Variants in CDC5L observed in about 807,000 individuals in gnomAD.
CDC5L encodes cell division cycle 5-like protein.
A neutral mutation model predicts 104.1 loss-of-function variants in CDC5L; 18 were observed. The ratio of observed to expected loss-of-function variants is 0.17; its 90% confidence interval spans 0.12 to 0.26. CDC5L has a LOEUF of 0.26. Ranked by LOEUF, CDC5L falls within the 10% of genes least tolerant of loss-of-function variation. CDC5L has a pLI of 1.00. For missense variants in CDC5L, 673 were observed against 956.9 expected, an observed-to-expected ratio of 0.70 and a Z score of 3.91; for synonymous variants, 331 against 322.7, an observed-to-expected ratio of 1.03 and a Z score of -0.28.
Position 44,422,630 on chromosome 6 carries a change from G to A in CDC5L, c.1242-17G>A, listed in dbSNP as rs1293832371. ...TGTAAGTGGCACTTCTGTTAATTGG[G>A]ATTCCTGTCTTTCTAGGACTCCTTC... On this transcript the variant is annotated splice_polypyrimidine_tract_variant and intron_variant, in intron 9 of 15. Transcript: ENST00000371477. 1.3e-6 allele frequency: 2 copies of A among 1,517,234 alleles called. No homozygotes were observed. The highest frequency in any genetic ancestry group is 2.8e-5 in the African/African-American group (2 of 70,548). The allele number at this position is 1,517,234 out of a possible 1,614,324, so 94.0% of individuals were successfully genotyped here. A position where few individuals can be genotyped will look rare whatever the true frequency, so the allele number is the denominator to read the frequency against.
intron 8 of CDC5L, among the ~76,000 whole-genome samples, chr6:44,415,724 A>C (rs1029800976): frequency 7.2e-5 from 11 of 152,330 alleles, no homozygotes; most frequent in African/African-American, 1.9e-4. Flanking sequence ...ACTTAGGCAC[A>C]CATGTCCTAG....
chr6:44,392,513 TG>T (rs755876260), intron 2 of CDC5L, among the ~76,000 whole-genome samples, 153 bp from the exon 3 acceptor site: 8 of 152,242 alleles, frequency 5.3e-5, no homozygotes, highest in Non-Finnish European at 1.0e-4. Context: ...GAATATTGAC[TG>T]GGGTAAGTGT....
Position 44,397,823 on chromosome 6 carries a change from A to ATT in CDC5L, c.539+1386_539+1387dup, listed in dbSNP as rs1439154359. Among the ~76,000 whole-genome samples the ATT allele has an allele frequency of 2.0e-5, 3 of 152,148 alleles. No homozygotes were observed. The East Asian group carries it at 5.8e-4, about 29-fold the overall frequency. ...TATTACACATTGTCTTTCACTCAGG[A>ATT]TTTTCTTCACTTTCCCCTTTTTTCC... is the stretch of plus-strand genomic sequence containing the variant. On this transcript the variant is annotated intron_variant, in intron 5 of 15. Coordinates refer to ENST00000371477, the MANE Select transcript of CDC5L (RefSeq NM_001253.4).
Position 44,446,969 on chromosome 6 carries a change from T to G in CDC5L, c.*258T>G. 4.0e-6 allele frequency: 1 copy of G among 252,820 alleles called. No homozygotes were observed. 15.7% of individuals were successfully genotyped at this position (252,820 alleles called of 1,614,324 possible). A position where few individuals can be genotyped will look rare whatever the true frequency, so the allele number is the denominator to read the frequency against. On this transcript the variant is annotated 3_prime_UTR_variant, in exon 16 of 16. Transcript: ENST00000371477. The stretch of plus-strand genomic sequence containing the variant: ...TTTGCAAACTTTTTTAGTTTTGGCC[T>G]TTAATTTAAAAAGCCTAATTTTAAA...
intron 8 of CDC5L, among the ~76,000 whole-genome samples, chr6:44,418,859 T>G (rs1262800333): frequency 8.6e-5 from 13 of 150,900 alleles, no homozygotes; most frequent in Admixed American, 5.9e-4. Flanking sequence ...TTTTTTTTTT[T>G]GTAAATTTGT....
chr6:44,432,711 A>G (rs558743219), intron 14 of CDC5L, among the ~76,000 whole-genome samples: 1 of 152,226 alleles, frequency 6.6e-6, no homozygotes. Context: ...TGTTAAATAA[A>G]TAGAATCAGA....
intron 15 of CDC5L, among the ~76,000 whole-genome samples, chr6:44,446,182 G>A (rs893208387): frequency 6.6e-6 from 1 of 152,222 alleles, no homozygotes. Context: ...ATGTAGCTCA[G>A]TGAGGGGAAA....
intron 14 of CDC5L, among the ~76,000 whole-genome samples, chr6:44,430,687 C>T (rs971430065): frequency 2.3e-4 from 35 of 151,700 alleles, no homozygotes; most frequent in African/African-American, 7.3e-4. Flanking sequence ...ATTCTCCTGC[C>T]TCAGCCTCCC....
rs896557636 is a variant in CDC5L at position 44,422,662 on chromosome 6, A to G, written c.1257A>G (p.Gly419=). ...LSTPFRTPSN[G]AEGLTPRSGT... ...GTCTTTCTAGGACTCCTTCTAATGGAGCTGAAGGGCTGACTCCCCGGAGTG... is the reference window on the plus strand; with the variant it reads ...GTCTTTCTAGGACTCCTTCTAATGGGGCTGAAGGGCTGACTCCCCGGAGTG... Residue 419 remains glycine, a synonymous_variant, in exon 10 of 16, where the codon GGA becomes GGG. Transcript: ENST00000371477. 6.2e-7 allele frequency: 1 copy of G among 1,609,770 alleles called. No individual in the cohort carries two copies. The highest frequency in any genetic ancestry group is 8.5e-7 in the Non-Finnish European group (1 of 1,177,972).
chr6:44,388,176 A>C (rs11571900), intron 1 of CDC5L, among the ~76,000 whole-genome samples: 2 of 59,822 alleles, frequency 3.3e-5, no homozygotes, highest in Non-Finnish European at 6.4e-5. Context: ...GGCCCCGGGA[A>C]GAACTCAGAG....
At chr6:44,425,248 C>G (rs920039683) in intron 11 of CDC5L, among the ~76,000 whole-genome samples, 4 of 151,910 alleles carry the variant, frequency 2.6e-5, no homozygotes, top group Admixed American at 2.6e-4. Flanking sequence ...TTTTGAGTGC[C>G]GACATGAAGC....
rs1377785421 is a variant in CDC5L, at chr6:44,448,395, AG to A, written c.*1685del. On this transcript the variant is annotated 3_prime_UTR_variant, in exon 16 of 16. Transcript: ENST00000371477. ...GAATGACATGATCAGATTTGGTTTT[AG>A]AAACATCACTATCTCCTTAGTGTGT... 6.6e-6 allele frequency: 1 copy of A among 152,230 alleles called. No homozygotes were observed. The highest frequency in any genetic ancestry group is 2.4e-5 in the African/African-American group (1 of 41,462). 9.4% of individuals were successfully genotyped at this position (152,230 alleles called of 1,614,324 possible). A position where few individuals can be genotyped will look rare whatever the true frequency, so the allele number is the denominator to read the frequency against.
Position 44,424,466 on chromosome 6 carries a change from T to C in CDC5L, c.1452T>C (p.Pro484=). The part of the protein sequence containing the change: ...EHLRLGLLGL[P]APKNDFEIVL... The stretch of plus-strand genomic sequence containing the variant: ...TCCGTTTAGGGTTGTTGGGCCTTCC[T>C]GCCCCTAAGAATGATTTTGAAATTG... The change falls in exon 11 of 16, where the codon CCT becomes CCC. Residue 484 remains proline, a synonymous_variant. Coordinates refer to ENST00000371477, the MANE Select transcript of CDC5L (RefSeq NM_001253.4). 1 of 1,613,978 alleles carries C rather than the reference T, an allele frequency of 6.2e-7. No homozygotes were observed. Among genetic ancestry groups the C allele is most frequent in the South Asian group, 1.1e-5 (1 of 91,068 alleles).
chr6:44,417,418 T>C (rs1343658541), intron 8 of CDC5L, among the ~76,000 whole-genome samples: 3 of 152,184 alleles, frequency 2.0e-5, no homozygotes, highest in African/African-American at 7.2e-5. Context: ...TAAACTAACC[T>C]GGGAGGTCAA....
Position 44,403,982 on chromosome 6 carries a change from A to G in CDC5L, c.713A>G (p.Asp238Gly). 6.2e-7 allele frequency: 1 copy of G among 1,612,550 alleles called. No homozygotes were observed. Among genetic ancestry groups the G allele is most frequent in the Non-Finnish European group, 8.5e-7 (1 of 1,179,726 alleles). The change falls in exon 6 of 16, where the codon GAT becomes GGT. Residue 238 changes from aspartate to glycine, a missense_variant. Coordinates refer to ENST00000371477, the MANE Select transcript of CDC5L (RefSeq NM_001253.4). ...GAAAACTACCAAGCTCTTGACGCAG[A>G]TTTCAGGAAATTAAGACAACAGGAT... is the stretch of plus-strand genomic sequence containing the variant. ...SEENYQALDA[D>G]FRKLRQQDLD...
intron 4 of CDC5L, 66 bp downstream of exon 4, chr6:44,393,639 A>T: frequency 6.7e-7 from 1 of 1,492,874 alleles, no homozygotes; most frequent in Non-Finnish European, 9.1e-7. Flanking sequence ...TCACTCTTTT[A>T]GTTCCTTTCT....
intron 12 of CDC5L, 40 bp downstream of exon 12, chr6:44,426,223 C>T (rs1561976718): frequency 7.2e-7 from 1 of 1,396,548 alleles, no homozygotes; most frequent in South Asian, 1.2e-5. Context: ...TTTTAAGTTT[C>T]TTTTTATATG....
intron 6 of CDC5L, among the ~76,000 whole-genome samples, chr6:44,404,385 G>A (rs1347628806): frequency 6.6e-6 from 1 of 151,972 alleles, no homozygotes; most frequent in Admixed American, 6.6e-5. Context: ...GGGCTCAAGC[G>A]ATCCTTCTTA....
In CDC5L at chr6:44,446,733, CAGGATTAA is replaced by C. The variant is rs1419664179; in HGVS notation, c.*23_*30del. On this transcript the variant is annotated 3_prime_UTR_variant, in exon 16 of 16. Coordinates refer to ENST00000371477, the MANE Select transcript of CDC5L (RefSeq NM_001253.4). ...CTGAAGTACAGTTTATATTCTGTCA[CAGGATTAA>C]TTAATTGCCGGTTTTCATACTCTAG... 1.7e-6 allele frequency: 2 copies of C among 1,182,556 alleles called. No homozygotes were observed. Among genetic ancestry groups the C allele is most frequent in the South Asian group, 2.7e-5 (2 of 74,576 alleles). The allele number at this position is 1,182,556 out of a possible 1,614,324, so 73.3% of individuals were successfully genotyped here.
Sources: gnomAD v4.1 joint callset for allele counts (sites outside exome capture counted in the v4.1 genomes callset) on GRCh38, gnomAD v4.1.1 for gene constraint, MANE v1.5 for transcripts, NCBI Gene and HGNC (gene_info 2026-07-23, HGNC 2026-07-21) for gene names.